The following HTR7 variants were observed in gnomAD, a reference collection of about 807,000 sequenced individuals.
HTR7 encodes the protein 5-hydroxytryptamine receptor 7.
HTR7 carries 16 observed loss-of-function variants against 34.0 expected under a neutral mutation model. The observed-to-expected ratio is 0.47, with a 90% CI of 0.32 to 0.71. The LOEUF (loss-of-function observed/expected upper bound fraction) is 0.71. Among genes scored for constraint, HTR7 ranks in the 30% least tolerant of loss-of-function variants. The pLI, the probability that HTR7 is intolerant of heterozygous loss-of-function variation, is 0.04. For synonymous variants in HTR7, 265 were observed against 260.2 expected (o/e 1.02, Z -0.18); for missense variants, 504 against 625.5 (o/e 0.81, Z 2.07).
At chr10:90,851,018 T>C (rs1038075901) in intron 1 of HTR7, among the ~76,000 whole-genome samples, 2 of 152,126 alleles carry the variant, frequency 1.3e-5, no homozygotes, top group Non-Finnish European at 2.9e-5. Flanking sequence ...TTAAAAATCA[T>C]TAGGAACCCC....
Sources: gnomAD v4.1 joint callset for allele counts (sites outside exome capture counted in the v4.1 genomes callset) on GRCh38, gnomAD v4.1.1 for gene constraint, MANE v1.5 for transcripts, NCBI Gene and HGNC (gene_info 2026-07-23, HGNC 2026-07-21) for gene names.